RNF220: variants seen among roughly 807,000 people sequenced by gnomAD.
The protein encoded by RNF220 is E3 ubiquitin-protein ligase RNF220.
A neutral mutation model predicts 67.1 loss-of-function variants in RNF220; 7 were observed. The observed-to-expected ratio is 0.10, with a 90% confidence interval of 0.06 to 0.20. The LOEUF is 0.20. RNF220 is among the 10% of genes least tolerant of loss of function. The probability of loss-of-function intolerance (pLI) is 1.00; values close to 1 mark genes in which losing one functional copy is unlikely to be tolerated. For missense variants in RNF220, 565 were observed against 740.3 expected (o/e 0.76, Z 2.75); for synonymous variants, 270 against 283.2 (o/e 0.95, Z 0.47).
chr1:44,488,594 C>T (rs1656555846), intron 2 of RNF220, among the ~76,000 whole-genome samples: 1 of 152,182 alleles, frequency 6.6e-6, no homozygotes. Flanking sequence ...AGATTGCAGG[C>T]GTGGGCCACC....
chr1:44,632,356 T>C lies in RNF220; in HGVS notation c.920T>C (p.Val307Ala), dbSNP rs1019823357. 9 of 1,613,940 alleles carry C rather than the reference T, an allele frequency of 5.6e-6. No homozygotes were observed. Among genetic ancestry groups the C allele is most frequent in the South Asian group, 1.1e-5 (1 of 91,078 alleles). The part of the protein sequence containing the change: ...HSDRYQTFLR[V>A]RANRQTRLNA... ...ATCTTCTCCCAGACCTTTCTGCGAGTACGAGCCAACCGGCAGACCCGACTG... is the reference window on the plus strand; with the variant it reads ...ATCTTCTCCCAGACCTTTCTGCGAGCACGAGCCAACCGGCAGACCCGACTG... Residue 307 changes from valine to alanine, a missense_variant, in exon 6 of 15, where the codon GTA becomes GCA. By Grantham distance (64) the Val-to-Ala change is moderately conservative. Coordinates refer to ENST00000361799, the MANE Select transcript of RNF220 (RefSeq NM_018150.4).
At chr1:44,597,312 G>A (rs1666568805) in intron 2 of RNF220, among the ~76,000 whole-genome samples, 1 of 152,180 alleles carries the variant, frequency 6.6e-6, no homozygotes, top group African/African-American at 2.4e-5. Flanking sequence ...GTAGCCAGAA[G>A]TGAAATTCAA....
intron 2 of RNF220, among the ~76,000 whole-genome samples, chr1:44,536,058 A>AG (rs900956307): frequency 8.4e-4 from 128 of 152,294 alleles, no homozygotes; most frequent in African/African-American, 2.9e-3. Context: ...AAACTGAGAA[A>AG]GGGGTCTTCT....
chr1:44,522,148 C>T (rs1374044857), intron 2 of RNF220, among the ~76,000 whole-genome samples: 1 of 152,144 alleles, frequency 6.6e-6, no homozygotes, highest in Non-Finnish European at 1.5e-5. Flanking sequence ...TAGAAAAGAC[C>T]ATGACAAATG....
rs1040006637 is a variant in RNF220, at chr1:44,565,783, A to G, written c.626-48382A>G. On this transcript the variant is annotated intron_variant, in intron 2 of 14. Coordinates refer to ENST00000361799, the MANE Select transcript of RNF220 (RefSeq NM_018150.4). This position sits in a 1 kb window ranked among gnomAD's most constrained non-coding sequence, Gnocchi z 4.2. ...CTTCCCTGCCCCTCCCTGGGTGCCA[A>G]TGGGACTGGATCTGGAGACTCCCAT... Among the ~76,000 whole-genome samples the G allele has an allele frequency of 3.9e-5, 6 of 152,078 alleles. No homozygotes were observed. The highest frequency in any genetic ancestry group is 2.9e-5 in the Non-Finnish European group (2 of 68,004).
intron 5 of RNF220, chr1:44,632,036 C>A: frequency 1.9e-6 from 2 of 1,072,414 alleles, no homozygotes; most frequent in Non-Finnish European, 2.3e-6. Flanking sequence ...CACGGGGAAT[C>A]CGCCCGCATC....
chr1:44,572,990 G>A (rs964923911), intron 2 of RNF220: 20 of 414,458 alleles, frequency 4.8e-5, no homozygotes, highest in African/African-American at 2.5e-4. Flanking sequence ...AGAAGTTCTC[G>A]AGGCCCTCAA....
At chr1:44,475,205 A>C (rs1655184755) in intron 2 of RNF220, among the ~76,000 whole-genome samples, 2 of 152,224 alleles carry the variant, frequency 1.3e-5, no homozygotes, top group South Asian at 4.1e-4. Flanking sequence ...AAAGCCAGTC[A>C]GCAGACACAT....
intron 2 of RNF220, among the ~76,000 whole-genome samples, chr1:44,413,235 AG>A (rs777073008): frequency 2.0e-5 from 3 of 152,186 alleles, no homozygotes; most frequent in Non-Finnish European, 4.4e-5. Context: ...TTTTCAGAGA[AG>A]GACAAAGGTG....
At chr1:44,428,640 A>G (rs993326735) in intron 2 of RNF220, among the ~76,000 whole-genome samples, 21 of 152,196 alleles carry the variant, frequency 1.4e-4, no homozygotes, top group African/African-American at 5.1e-4. Flanking sequence ...ATGGATGCTC[A>G]CAAACCCCCA....
chr1:44,488,314 G>A (rs1033020992), intron 2 of RNF220, among the ~76,000 whole-genome samples: 2 of 150,992 alleles, frequency 1.3e-5, no homozygotes, highest in Non-Finnish European at 3.0e-5. Flanking sequence ...TTTTAGTAGA[G>A]GACAGGGTTT....
chr1:44,502,350 G>GAT (rs1437127317), intron 2 of RNF220, among the ~76,000 whole-genome samples: 1 of 152,100 alleles, frequency 6.6e-6, no homozygotes, highest in Admixed American at 6.5e-5. Context: ...CAACCATAAA[G>GAT]ATAACTCCAG....
Position 44,412,069 on chromosome 1 carries a change from C to A in RNF220, c.-29C>A. 8.2e-6 allele frequency: 13 copies of A among 1,584,538 alleles called. No homozygotes were observed. Among genetic ancestry groups the A allele is most frequent in the Non-Finnish European group, 1.1e-5 (13 of 1,163,712 alleles). ...CCCTCCCAGGGAAGACTGCTTCTTGCGTAACGCCGGCCACAGAAAGAGACT... is the reference window on the plus strand; with the variant it reads ...CCCTCCCAGGGAAGACTGCTTCTTGAGTAACGCCGGCCACAGAAAGAGACT... On this transcript the variant is annotated 5_prime_UTR_variant, in exon 2 of 15. Coordinates refer to ENST00000361799, the MANE Select transcript of RNF220 (RefSeq NM_018150.4). The surrounding 1 kb of genome is among the most constrained non-coding windows in gnomAD (Gnocchi z 5.3).
intron 4 of RNF220, among the ~76,000 whole-genome samples, chr1:44,625,385 A>G (rs1020180459): frequency 1.3e-5 from 2 of 152,214 alleles, no homozygotes; most frequent in South Asian, 2.1e-4. Flanking sequence ...GATGTGCAGC[A>G]TGGCCACCGC....
rs116320449 is a variant in RNF220, at chr1:44,452,155, G to A, written c.625+39433G>A. On this transcript the variant is annotated intron_variant, in intron 2 of 14. Coordinates refer to ENST00000361799, the MANE Select transcript of RNF220 (RefSeq NM_018150.4). ...AAAATGCCAGGCTGTACATGGGTTT[G>A]CTTCTGAATTCTGTTCTACTCCTTG... Among the ~76,000 whole-genome samples the A allele has an allele frequency of 9.0e-3, 1,365 of 152,314 alleles. 16 individuals are homozygous for A. Among genetic ancestry groups the A allele is most frequent in the African/African-American group, 0.031 (1,286 of 41,552 alleles).
At chr1:44,644,905 G>A (rs1459790459) in intron 9 of RNF220, 90 bp from the exon 10 acceptor site, 1 of 1,545,850 alleles carries the variant, frequency 6.5e-7, no homozygotes, top group Non-Finnish European at 8.9e-7. Flanking sequence ...CAGAGTCTCA[G>A]CTTTGGCCAG....
At chr1:44,515,569 G>C (rs1275317712) in intron 2 of RNF220, among the ~76,000 whole-genome samples, 1 of 152,136 alleles carries the variant, frequency 6.6e-6, no homozygotes, top group Non-Finnish European at 1.5e-5. Flanking sequence ...TCTATTCCAG[G>C]TATCATGCTG....
intron 2 of RNF220, among the ~76,000 whole-genome samples, chr1:44,558,494 G>C (rs1406007345): frequency 6.6e-6 from 1 of 152,214 alleles, no homozygotes; most frequent in African/African-American, 2.4e-5. Context: ...ACATATGATA[G>C]TACCATTAGT....
At chr1:44,603,177 T>C (rs1339556811) in intron 2 of RNF220, among the ~76,000 whole-genome samples, 1 of 152,206 alleles carries the variant, frequency 6.6e-6, no homozygotes, top group Non-Finnish European at 1.5e-5. Flanking sequence ...CAAATCGAAT[T>C]TCCTTATCGG....
Sources: allele counts gnomAD v4.1 joint callset (sites outside exome capture counted in the v4.1 genomes callset), GRCh38; gene constraint gnomAD v4.1.1; non-coding constraint Gnocchi (gnomAD v3.1); transcripts MANE v1.5; gene names NCBI Gene and HGNC (gene_info 2026-07-23, HGNC 2026-07-21).